Variants in EGFLAM observed in about 807,000 individuals in gnomAD.
EGFLAM encodes the protein EGF like, fibronectin type III and laminin G domains.
In EGFLAM, 79 loss-of-function variants were observed where a neutral mutation model predicts 113.1. The observed-to-expected ratio is 0.70, with a 90% confidence interval of 0.58 to 0.84. EGFLAM has a LOEUF of 0.84. EGFLAM is among the 40% of genes least tolerant of loss of function. The pLI, the probability that EGFLAM is intolerant of heterozygous loss-of-function variation, is 0.00. For synonymous variants in EGFLAM, 504 were observed against 487.6 expected (o/e 1.03, Z -0.44); for missense variants, 1,265 against 1,291.6 (o/e 0.98, Z 0.32).
chr5:38,441,336 T>C (rs560006299), intron 17 of EGFLAM, among the ~76,000 whole-genome samples: 15 of 152,146 alleles, frequency 9.9e-5, no homozygotes, highest in Non-Finnish European at 1.5e-4. Context: ...GTGGTTTCAG[T>C]TTCAGGCATC....
intron 1 of EGFLAM, among the ~76,000 whole-genome samples, chr5:38,317,788 A>G (rs542574470): frequency 6.6e-6 from 1 of 152,348 alleles, no homozygotes; most frequent in East Asian, 1.9e-4. Context: ...AAGACTTGGC[A>G]AAATGTTTCA....
chr5:38,436,947 G>A (rs989910268), intron 16 of EGFLAM, among the ~76,000 whole-genome samples: 1 of 152,192 alleles, frequency 6.6e-6, no homozygotes, highest in East Asian at 1.9e-4. Context: ...GCTTAGATTC[G>A]TGGCAGGAAG....
intron 12 of EGFLAM, among the ~76,000 whole-genome samples, chr5:38,420,927 A>T (rs1290280025): frequency 6.6e-6 from 1 of 152,172 alleles, no homozygotes; most frequent in Non-Finnish European, 1.5e-5. Context: ...TATTAATGGC[A>T]TGTGTCAGCC....
At chr5:38,259,667 C>T (rs939868554) in intron 1 of EGFLAM, among the ~76,000 whole-genome samples, 5 of 152,080 alleles carry the variant, frequency 3.3e-5, no homozygotes, top group Non-Finnish European at 1.5e-5. Context: ...TTTGCTGGGA[C>T]CATATTTAGA....
At chr5:38,370,267 T>G (rs1438117322) in intron 5 of EGFLAM, 29 bp from the exon 6 acceptor site, 1 of 1,603,218 alleles carries the variant, frequency 6.2e-7, no homozygotes. Context: ...TCTGAACTAC[T>G]GCTTCTTCTG....
chr5:38,459,631 G>C (rs1289134521), intron 20 of EGFLAM, among the ~76,000 whole-genome samples: 1 of 152,156 alleles, frequency 6.6e-6, no homozygotes, highest in Non-Finnish European at 1.5e-5. Context: ...ACCCTTTCTG[G>C]GGAAGCCAGT....
chr5:38,289,530 C>G (rs1170354155), intron 1 of EGFLAM, among the ~76,000 whole-genome samples: 1 of 152,184 alleles, frequency 6.6e-6, no homozygotes. Flanking sequence ...CCAAGCTCCA[C>G]TACTTAGAAT....
At chr5:38,437,079 G>T (rs1169595216) in intron 16 of EGFLAM, among the ~76,000 whole-genome samples, 1 of 152,204 alleles carries the variant, frequency 6.6e-6, no homozygotes, top group Non-Finnish European at 1.5e-5. Flanking sequence ...TGAATCAAGG[G>T]CTGGTAAAGT....
intron 1 of EGFLAM, among the ~76,000 whole-genome samples, chr5:38,259,449 T>C (rs1223627455): frequency 6.6e-6 from 1 of 152,222 alleles, no homozygotes; most frequent in Non-Finnish European, 1.5e-5. Flanking sequence ...CAAAGAAATG[T>C]ACGTTGTAAC....
chr5:38,395,918 A>G (rs17425496), intron 6 of EGFLAM, among the ~76,000 whole-genome samples: 22,984 of 151,946 alleles, frequency 0.15, 1,901 homozygotes, highest in Non-Finnish European at 0.17. Context: ...CTTTTCTAGC[A>G]GATCATCCCC....
rs572744350 is a variant in EGFLAM at position 38,337,012 on chromosome 5, T to G, written c.98-508T>G. On this transcript the variant is annotated intron_variant, in intron 1 of 21. Coordinates refer to ENST00000322350, the MANE Select transcript of EGFLAM (RefSeq NM_152403.4). ...TATCATCTGTAACTATGAAGTTACT[T>G]AAGATAGATAGTAAAGCATTTGAAA... Among the ~76,000 whole-genome samples, 41 of 152,378 alleles carry G rather than the reference T, an allele frequency of 2.7e-4. No homozygotes were observed. In the South Asian group the frequency reaches 3.7e-3, roughly 14 times the overall value.
intron 18 of EGFLAM, among the ~76,000 whole-genome samples, chr5:38,449,399 TTG>T (rs1183750695): frequency 2.0e-5 from 3 of 152,296 alleles, no homozygotes; most frequent in Non-Finnish European, 2.9e-5. Flanking sequence ...TTAATCTACG[TTG>T]TCTTGGCATG....
Position 38,263,330 on chromosome 5 carries a change from C to T in EGFLAM, c.97+4479C>T, listed in dbSNP as rs556651004. On this transcript the variant is annotated intron_variant, in intron 1 of 21. Transcript: ENST00000322350. ...TACAAAAATTAGCCGGGCTTGGTGG[C>T]GCGTGCCTGTAGTCTCAGCTACTTG... 2.4e-4 allele frequency among the ~76,000 whole-genome samples: 36 copies of T among 152,178 alleles called. 1 individual carries two copies. The highest frequency in any genetic ancestry group is 1.8e-3 in the Admixed American group (27 of 15,274).
At chr5:38,289,275 G>A (rs10472300) in intron 1 of EGFLAM, among the ~76,000 whole-genome samples, 14 of 149,086 alleles carry the variant, frequency 9.4e-5, no homozygotes, top group Admixed American at 2.0e-4. Flanking sequence ...TTCTTTCCCC[G>A]CCCCCACATT....
At chr5:38,396,427 A>T (rs571520714) in intron 6 of EGFLAM, among the ~76,000 whole-genome samples, 1 of 152,238 alleles carries the variant, frequency 6.6e-6, no homozygotes, top group African/African-American at 2.4e-5. Flanking sequence ...AGATCGTATC[A>T]GATTATAACT....
chr5:38,424,311 C>T (rs971238326), intron 12 of EGFLAM, among the ~76,000 whole-genome samples: 1 of 152,132 alleles, frequency 6.6e-6, no homozygotes, highest in Non-Finnish European at 1.5e-5. Context: ...TTGAGCCTTT[C>T]AGCCTTCTTA....
intron 15 of EGFLAM, among the ~76,000 whole-genome samples, chr5:38,434,191 C>T (rs1742272693): frequency 6.6e-6 from 1 of 152,214 alleles, no homozygotes; most frequent in African/African-American, 2.4e-5. Context: ...CACATTCCCT[C>T]TAAGCCCCAA....
intron 1 of EGFLAM, among the ~76,000 whole-genome samples, chr5:38,283,556 CAT>C (rs1758078121): frequency 6.6e-6 from 1 of 152,118 alleles, no homozygotes; most frequent in South Asian, 2.1e-4. Flanking sequence ...AGAATTTTAG[CAT>C]TAGAAGGGAC....
At chr5:38,310,586 C>T (rs1738414489) in intron 1 of EGFLAM, among the ~76,000 whole-genome samples, 2 of 152,000 alleles carry the variant, frequency 1.3e-5, no homozygotes, top group Non-Finnish European at 2.9e-5. Context: ...CTCTAGGAAT[C>T]TCTCTGATTG....
Sources: allele counts gnomAD v4.1 joint callset (sites outside exome capture counted in the v4.1 genomes callset), GRCh38; gene constraint gnomAD v4.1.1; transcripts MANE v1.5; gene names NCBI Gene and HGNC (gene_info 2026-07-23, HGNC 2026-07-21).